UVRAG: variants seen among roughly 807,000 people sequenced by gnomAD.
UVRAG encodes the protein UV radiation resistance associated.
Under a neutral mutation model 78.0 loss-of-function variants are expected in UVRAG, and 19 were observed. The observed-to-expected ratio is 0.24, with a 90% CI of 0.17 to 0.36. UVRAG has a LOEUF of 0.36. Ranked by LOEUF, UVRAG falls within the 10% of genes least tolerant of loss-of-function variation. The probability of loss-of-function intolerance (pLI) is 1.00; values close to 1 mark genes in which losing one functional copy is unlikely to be tolerated. For missense variants in UVRAG, 740 were observed against 853.8 expected, an observed-to-expected ratio of 0.87 and a Z score of 1.66; for synonymous variants, 323 against 324.6, an observed-to-expected ratio of 1.00 and a Z score of 0.05.
chr11:75,936,560 C>T (rs566903924), intron 6 of UVRAG, among the ~76,000 whole-genome samples: 139 of 152,286 alleles, frequency 9.1e-4, no homozygotes, highest in Non-Finnish European at 1.6e-3. Context: ...ACTCAAATCA[C>T]TCCAGATTTG....
At chr11:76,029,928 A>G (rs1371266633) in intron 12 of UVRAG, among the ~76,000 whole-genome samples, 1 of 152,238 alleles carries the variant, frequency 6.6e-6, no homozygotes, top group Non-Finnish European at 1.5e-5. Flanking sequence ...TGATTAGTCA[A>G]TAGCTATTGC....
intron 13 of UVRAG, 137 bp downstream of exon 13, chr11:76,065,925 T>A (rs1419281897): frequency 1.6e-6 from 1 of 610,244 alleles, no homozygotes; most frequent in Non-Finnish European, 2.7e-6. Context: ...TACACAGTTC[T>A]TTTTTTTGAT....
Position 76,016,844 on chromosome 11 carries a change from C to A in UVRAG, c.1090C>A (p.Leu364Ile). ...AGATGATGGAAGCATTGCTGTTGCC[C>A]TTGGTTATACTGCACATCTGGTCTC... ...AKDDGSIAVA[L>I]GYTAHLVSMI... is the part of the protein sequence containing the mutation. Residue 364 changes from leucine (L) to isoleucine (I), a missense_variant, in exon 12 of 15, where the codon CTT becomes ATT. By Grantham distance (5) the Leu-to-Ile change is conservative (BLOSUM62 2). Transcript: ENST00000356136. The A allele has an allele frequency of 6.2e-7, 1 of 1,603,056 alleles. No homozygotes were observed. The highest frequency in any genetic ancestry group is 8.5e-7 in the Non-Finnish European group (1 of 1,173,874).
At chr11:76,107,816 C>G (rs1383262104) in intron 13 of UVRAG, among the ~76,000 whole-genome samples, 4 of 151,612 alleles carry the variant, frequency 2.6e-5, no homozygotes, top group African/African-American at 9.7e-5. Flanking sequence ...AGCGCATAAT[C>G]TAGTTCTTTT....
At chr11:76,061,281 G>T (rs1198394726) in intron 12 of UVRAG, among the ~76,000 whole-genome samples, 2 of 152,132 alleles carry the variant, frequency 1.3e-5, no homozygotes, top group Non-Finnish European at 2.9e-5. Context: ...CTAGCTCAGG[G>T]ATTGTAAACG....
chr11:76,056,410 A>G (rs1950985509), intron 12 of UVRAG, among the ~76,000 whole-genome samples: 1 of 152,244 alleles, frequency 6.6e-6, no homozygotes, highest in African/African-American at 2.4e-5. Flanking sequence ...GTTTAGTTTT[A>G]TAAGTAACTG....
intron 14 of UVRAG, among the ~76,000 whole-genome samples, chr11:76,125,444 T>C (rs1471482454): frequency 6.6e-6 from 1 of 152,158 alleles, no homozygotes; most frequent in Non-Finnish European, 1.5e-5. Context: ...CCATAACTCA[T>C]TCCAGAGTTT....
chr11:75,899,054 G>GA (rs1947422087), intron 5 of UVRAG, among the ~76,000 whole-genome samples: 4 of 151,752 alleles, frequency 2.6e-5, no homozygotes, highest in Middle Eastern at 3.4e-3. Flanking sequence ...GGAAAAGTTG[G>GA]AAAAAAAATC....
intron 2 of UVRAG, among the ~76,000 whole-genome samples, chr11:75,858,227 C>A (rs926911985): frequency 6.6e-6 from 1 of 151,900 alleles, no homozygotes; most frequent in Non-Finnish European, 1.5e-5. Context: ...CTTCTGTCAC[C>A]CTAGTTTTCT....
rs779093500 is a variant in UVRAG, at chr11:76,141,135, T to C, written c.1822T>C (p.Ser608Pro). The C allele has an allele frequency of 6.2e-7, 1 of 1,613,994 alleles. No individual in the cohort carries two copies. Among genetic ancestry groups the C allele is most frequent in the Non-Finnish European group, 8.5e-7 (1 of 1,180,028 alleles). Reference sequence around the variant, plus strand: ...TCTCCTACCCAGCGAGCAGGCCGGGTCCGCCAGTGTCCAGCTTCCAGGCGA... The same window carrying C: ...TCTCCTACCCAGCGAGCAGGCCGGGCCCGCCAGTGTCCAGCTTCCAGGCGA... Reference protein sequence around the residue: ...GTLLPSEQAGSASVQLPGEFH... With the variant: ...GTLLPSEQAGPASVQLPGEFH... Residue 608 changes from serine (S) to proline (P), a missense_variant, in exon 15 of 15, where the codon TCC becomes CCC. Coordinates refer to ENST00000356136, the MANE Select transcript of UVRAG (RefSeq NM_003369.4).
At chr11:76,038,445 A>G (rs377598752) in intron 12 of UVRAG, among the ~76,000 whole-genome samples, 43 of 152,360 alleles carry the variant, frequency 2.8e-4, no homozygotes, top group African/African-American at 1.0e-3. Context: ...ATTAGGTATT[A>G]TAAGTAATTT....
At chr11:76,084,120 A>G (rs983852748) in intron 13 of UVRAG, among the ~76,000 whole-genome samples, 1 of 152,270 alleles carries the variant, frequency 6.6e-6, no homozygotes, top group East Asian at 1.9e-4. Flanking sequence ...CTAATTCATC[A>G]TTTGCTTTAT....
chr11:76,115,573 T>C (rs1164502701), intron 13 of UVRAG, among the ~76,000 whole-genome samples: 1 of 152,192 alleles, frequency 6.6e-6, no homozygotes, highest in Non-Finnish European at 1.5e-5. Context: ...TAGCAAACCC[T>C]ACCAGGGTCT....
At chr11:75,964,535 C>G (rs1392837189) in intron 7 of UVRAG, among the ~76,000 whole-genome samples, 1 of 152,194 alleles carries the variant, frequency 6.6e-6, no homozygotes, top group Non-Finnish European at 1.5e-5. Context: ...AGTATTTTCT[C>G]TTTTTGTTCT....
intron 5 of UVRAG, among the ~76,000 whole-genome samples, chr11:75,907,964 T>C (rs1947654097): frequency 6.6e-6 from 1 of 152,216 alleles, no homozygotes; most frequent in South Asian, 2.1e-4. Flanking sequence ...TACAGTTTAG[T>C]GGCATTAGGT....
chr11:75,827,225 A>G (rs1945534402), intron 1 of UVRAG, among the ~76,000 whole-genome samples: 3 of 152,144 alleles, frequency 2.0e-5, no homozygotes, highest in Admixed American at 1.3e-4. Context: ...TCTCCAGGAA[A>G]AATTTTATAC....
intron 5 of UVRAG, among the ~76,000 whole-genome samples, chr11:75,909,684 T>C (rs1408690801): frequency 6.6e-6 from 1 of 152,232 alleles, no homozygotes. Flanking sequence ...TTGTTTCATG[T>C]ATTTGTCTAG....
chr11:75,962,010 A>T (rs1199071615), intron 7 of UVRAG, among the ~76,000 whole-genome samples: 1 of 152,216 alleles, frequency 6.6e-6, no homozygotes, highest in Non-Finnish European at 1.5e-5. Flanking sequence ...TAGAAATCCT[A>T]ACCCAAATGG....
At chr11:76,022,060 A>G (rs901253542) in intron 12 of UVRAG, among the ~76,000 whole-genome samples, 1 of 152,218 alleles carries the variant, frequency 6.6e-6, no homozygotes, top group Admixed American at 6.5e-5. Context: ...TCTCAAAAAA[A>G]AAAAGAGCAT....
Sources: allele counts gnomAD v4.1 joint callset (sites outside exome capture counted in the v4.1 genomes callset), GRCh38; gene constraint gnomAD v4.1.1; transcripts MANE v1.5; gene names NCBI Gene and HGNC (gene_info 2026-07-23, HGNC 2026-07-21).